CABLES1: variants seen among roughly 807,000 people sequenced by gnomAD.
The protein encoded by CABLES1 is Cdk5 and Abl enzyme substrate 1.
In CABLES1, 36 loss-of-function variants were observed where a neutral mutation model predicts 57.8. That is an observed-to-expected ratio of 0.62 (90% CI 0.48 to 0.82). CABLES1 has a LOEUF of 0.82. Ranked by LOEUF, CABLES1 falls within the 40% of genes least tolerant of loss-of-function variation. CABLES1 has a pLI of 0.00. For missense variants in CABLES1, 767 were observed against 836.6 expected (o/e 0.92, Z 1.03); for synonymous variants, 374 against 363.0 (o/e 1.03, Z -0.35).
intron 2 of CABLES1, among the ~76,000 whole-genome samples, chr18:23,191,108 A>G (rs1428276667): frequency 6.6e-6 from 1 of 150,380 alleles, no homozygotes; most frequent in South Asian, 2.1e-4. Flanking sequence ...AAAATTAACC[A>G]GGCACATGGA....
At chr18:23,155,048 A>G (rs187722767) in intron 1 of CABLES1, among the ~76,000 whole-genome samples, 1 of 152,306 alleles carries the variant, frequency 6.6e-6, no homozygotes, top group Admixed American at 6.5e-5. Context: ...GATCGGAAGC[A>G]ATAGGAACAA....
At chr18:23,226,901 T>G (rs2047531911) in intron 4 of CABLES1, 1 of 152,154 alleles carries the variant, frequency 6.6e-6, no homozygotes, top group Non-Finnish European at 1.5e-5. Flanking sequence ...AAAGAGTTTC[T>G]GTGATGTGTG....
At chr18:23,219,141 G>T in intron 4 of CABLES1, 1 of 453,872 alleles carries the variant, frequency 2.2e-6, no homozygotes, top group Admixed American at 2.3e-5. Flanking sequence ...CTGCAGCCTG[G>T]TGAGCACCTA....
intron 1 of CABLES1, among the ~76,000 whole-genome samples, chr18:23,164,831 G>C (rs2047030352): frequency 1.3e-5 from 2 of 152,108 alleles, no homozygotes; most frequent in South Asian, 4.1e-4. Context: ...AAGTGCAGTG[G>C]CATGATCTTG....
chr18:23,246,474 C>G lies in CABLES1; in HGVS notation c.1447-6486C>G, dbSNP rs148404992. Among the ~76,000 whole-genome samples, 1,229 of 152,094 alleles carry G rather than the reference C, an allele frequency of 8.1e-3. 13 individuals carry two copies. Among genetic ancestry groups the G allele is most frequent in the Middle Eastern group, 0.014 (4 of 294 alleles). Reference sequence around the variant, plus strand: ...TGGCAAGATCTTGGCTCACTGCAAGCTCCGCCTCCCGGGTTCACGCCATTC... The same window carrying G: ...TGGCAAGATCTTGGCTCACTGCAAGGTCCGCCTCCCGGGTTCACGCCATTC... On this transcript the variant is annotated intron_variant, in intron 7 of 9. Coordinates refer to ENST00000256925, the MANE Select transcript of CABLES1 (RefSeq NM_001100619.3).
intron 4 of CABLES1, among the ~76,000 whole-genome samples, chr18:23,223,076 A>G (rs2047501157): frequency 2.0e-5 from 3 of 152,208 alleles, no homozygotes; most frequent in Admixed American, 6.5e-5. Flanking sequence ...AAGGATGCCA[A>G]GGGCCTTTAG....
At chr18:23,219,207 C>G (rs1017084698) in intron 4 of CABLES1, 9 of 454,134 alleles carry the variant, frequency 2.0e-5, no homozygotes, top group African/African-American at 1.4e-4. Flanking sequence ...GAGAAAATGT[C>G]TCTCTGTGTG....
chr18:23,216,870 CT>C (rs2145057009), intron 4 of CABLES1, among the ~76,000 whole-genome samples: 1 of 152,206 alleles, frequency 6.6e-6, no homozygotes, highest in African/African-American at 2.4e-5. Flanking sequence ...CTTCTTGCTG[CT>C]TGGGAAGGCC....
At chr18:23,163,808 C>G (rs2047021942) in intron 1 of CABLES1, among the ~76,000 whole-genome samples, 1 of 152,160 alleles carries the variant, frequency 6.6e-6, no homozygotes, top group Non-Finnish European at 1.5e-5. Flanking sequence ...AACCTTCCTT[C>G]CCCGCATGGA....
chr18:23,136,750 A>C (rs1187500059), intron 1 of CABLES1, 143 bp downstream of exon 1: 2 of 513,562 alleles, frequency 3.9e-6, no homozygotes, highest in Non-Finnish European at 6.2e-6. Flanking sequence ...CCCGAATCCC[A>C]AACCACGAGG....
rs1038225790 is a variant in CABLES1, at chr18:23,260,248, G to A, written c.*2881G>A. 1 of 152,138 alleles carries A rather than the reference G, an allele frequency of 6.6e-6. No homozygotes were observed. Among genetic ancestry groups the A allele is most frequent in the Non-Finnish European group, 1.5e-5 (1 of 68,032 alleles). The allele number at this position is 152,138 out of a possible 1,614,324, so 9.4% of individuals were successfully genotyped here. On this transcript the variant is annotated 3_prime_UTR_variant, in exon 10 of 10. Transcript: ENST00000256925. The stretch of plus-strand genomic sequence containing the variant: ...GGAAATTCATACCAAATGCAAATGG[G>A]TTTTGTTTTCCTTGGCATTTTGTTG...
In CABLES1 at chr18:23,200,477, A is replaced by C. The variant is rs112785205; in HGVS notation, c.1010+5937A>C. On this transcript the variant is annotated intron_variant, in intron 3 of 9. Transcript: ENST00000256925. Reference sequence around the variant, plus strand: ...CGGGGTTTCACCATGTTAGCCAGGAAGGTCTCGATCTCCTGACCTTGTGAT... The same window carrying C: ...CGGGGTTTCACCATGTTAGCCAGGACGGTCTCGATCTCCTGACCTTGTGAT... Among the ~76,000 whole-genome samples the C allele has an allele frequency of 2.0e-5, 3 of 152,028 alleles. No homozygotes were observed. In the South Asian group the frequency reaches 6.2e-4, roughly 32 times the overall value.
intron 5 of CABLES1, 112 bp from the exon 6 acceptor site, chr18:23,235,783 C>CAA: frequency 9.1e-7 from 1 of 1,101,152 alleles, no homozygotes; most frequent in Non-Finnish European, 1.3e-6. Context: ...TTCAGAATTG[C>CAA]AAATAGGAGA....
chr18:23,202,547 G>A (rs1454174054), intron 3 of CABLES1, among the ~76,000 whole-genome samples: 1 of 152,196 alleles, frequency 6.6e-6, no homozygotes, highest in Non-Finnish European at 1.5e-5. Context: ...TGCCACAGTG[G>A]AGGCTAAACA....
intron 1 of CABLES1, among the ~76,000 whole-genome samples, chr18:23,162,143 C>A (rs113333137): frequency 6.7e-6 from 1 of 148,500 alleles, no homozygotes; most frequent in South Asian, 2.2e-4. Flanking sequence ...CCAGCCTGGG[C>A]GACAAGCACA....
rs1162577463 is a variant in CABLES1, at chr18:23,136,344, G to A, written c.582G>A (p.Leu194=). 4 of 1,464,746 alleles carry A rather than the reference G, an allele frequency of 2.7e-6. No individual in the cohort carries two copies. Among genetic ancestry groups the A allele is most frequent in the African/African-American group, 1.5e-5 (1 of 67,918 alleles). 90.7% of individuals were successfully genotyped at this position (1,464,746 alleles called of 1,614,324 possible). ...CGCCTCTCGCCGCCTGTGCCCAACT[G>A]CAGCTGCTCGACGGGTCCGGGGCCG... ...RPAPLAACAQ[L]QLLDGSGAAG... is the part of the protein sequence containing the mutation. The change falls in exon 1 of 10, where the codon CTG becomes CTA. Residue 194 remains leucine, a synonymous_variant. Transcript: ENST00000256925.
chr18:23,152,361 T>C (rs1434463413), intron 1 of CABLES1, among the ~76,000 whole-genome samples: 1 of 152,210 alleles, frequency 6.6e-6, no homozygotes, highest in African/African-American at 2.4e-5. Context: ...TGAGGTAATA[T>C]ATCTGTAGGG....
At chr18:23,134,846 T>C (rs925379417), upstream of CABLES1, among the ~76,000 whole-genome samples, 3 of 152,146 alleles carry the variant, frequency 2.0e-5, no homozygotes, top group Non-Finnish European at 2.9e-5. Context: ...TGGGCTCTTA[T>C]GCATCCCAAG....
At chr18:23,155,867 T>C in intron 1 of CABLES1, 1 of 1,613,478 alleles carries the variant, frequency 6.2e-7, no homozygotes, top group Non-Finnish European at 8.5e-7. Flanking sequence ...ATAAAATGAG[T>C]TTGGAGTGGT....
Sources: allele counts gnomAD v4.1 joint callset (sites outside exome capture counted in the v4.1 genomes callset), GRCh38; gene constraint gnomAD v4.1.1; transcripts MANE v1.5; gene names NCBI Gene and HGNC (gene_info 2026-07-23, HGNC 2026-07-21).